Variants in PDS5B observed in about 807,000 individuals in gnomAD.
PDS5B encodes the protein PDS5 cohesin associated factor B.
PDS5B carries 51 observed loss-of-function variants against 184.1 expected under a neutral mutation model. The observed-to-expected ratio is 0.28, with a 90% confidence interval of 0.22 to 0.35. PDS5B has a LOEUF of 0.35. Among genes scored for constraint, PDS5B ranks in the 10% least tolerant of loss-of-function variants. The pLI, the probability that PDS5B is intolerant of heterozygous loss-of-function variation, is 1.00. For missense variants in PDS5B, 1,180 were observed against 1,723.3 expected, an observed-to-expected ratio of 0.68 and a Z score of 5.58; for synonymous variants, 566 against 569.2, an observed-to-expected ratio of 0.99 and a Z score of 0.08.
chr13:32,632,855 G>C (rs2140579811), intron 1 of PDS5B, among the ~76,000 whole-genome samples: 1 of 152,274 alleles, frequency 6.6e-6, no homozygotes, highest in Non-Finnish European at 1.5e-5. Context: ...TGCAATCCCA[G>C]CACTTTGGGA....
chr13:32,656,616 A>C (rs1311991988), intron 3 of PDS5B, among the ~76,000 whole-genome samples: 4 of 148,096 alleles, frequency 2.7e-5, no homozygotes, highest in Non-Finnish European at 5.9e-5. Context: ...TTTTTTTAAA[A>C]GACAAAGTCT....
intron 1 of PDS5B, among the ~76,000 whole-genome samples, chr13:32,641,104 T>C (rs1374281447): frequency 6.6e-6 from 1 of 152,108 alleles, no homozygotes; most frequent in African/African-American, 2.4e-5. Flanking sequence ...TACTATAGTT[T>C]ATAAAATAGA....
chr13:32,702,082 C>A (rs145291637), intron 17 of PDS5B, among the ~76,000 whole-genome samples: 1 of 151,922 alleles, frequency 6.6e-6, no homozygotes, highest in Non-Finnish European at 1.5e-5. Flanking sequence ...ATATATATAG[C>A]GCATACTGAC....
intron 18 of PDS5B, among the ~76,000 whole-genome samples, chr13:32,709,618 C>G (rs979287675): frequency 2.0e-5 from 3 of 152,006 alleles, no homozygotes; most frequent in Non-Finnish European, 4.4e-5. Flanking sequence ...GTTAAATTCT[C>G]TCTTCATGTC....
intron 1 of PDS5B, among the ~76,000 whole-genome samples, chr13:32,620,407 C>T (rs953136309): frequency 2.6e-5 from 4 of 151,962 alleles, no homozygotes; most frequent in African/African-American, 7.2e-5. Context: ...CCTGTAATCC[C>T]AGCACTTTGG....
intron 19 of PDS5B, among the ~76,000 whole-genome samples, chr13:32,717,687 T>TAAAA (rs1293060097): frequency 1.4e-4 from 8 of 58,406 alleles, no homozygotes; most frequent in East Asian, 9.9e-4. Context: ...GAATGATCAA[T>TAAAA]AAAAAAAAAA....
rs77765431 is a variant in PDS5B, at chr13:32,688,117, G to C, written c.1356-339G>C. 1.3e-4 allele frequency among the ~76,000 whole-genome samples: 20 copies of C among 150,852 alleles called. No individual in the cohort carries two copies. In the East Asian group the frequency reaches 3.5e-3, roughly 26 times the overall value. On this transcript the variant is annotated intron_variant, in intron 12 of 34. Transcript: ENST00000315596. ...GAATCTTAAGAGTTTCTTTAGTTTT[G>C]ACTTAGAAATTTAGAACTTGGCATT... is the stretch of plus-strand genomic sequence containing the variant.
intron 2 of PDS5B, chr13:32,649,584 T>G (rs935328036): frequency 6.6e-6 from 1 of 152,212 alleles, no homozygotes; most frequent in Admixed American, 6.5e-5. Flanking sequence ...ATTATTTATC[T>G]GGATGTCAGG....
chr13:32,716,764 C>T (rs1427967068), intron 19 of PDS5B, among the ~76,000 whole-genome samples: 6 of 135,796 alleles, frequency 4.4e-5, no homozygotes, highest in African/African-American at 1.1e-4. Flanking sequence ...CCCCTCTGCC[C>T]GGCCAGCCGC....
Position 32,753,329 on chromosome 13 carries a change from C to T in PDS5B, c.2737-3C>T. 1 of 1,609,030 alleles carries T rather than the reference C, an allele frequency of 6.2e-7. No homozygotes were observed. ...AATATCTGGAATAATTGTGTCTTTA[C>T]AGGATGAATGCTATCAAGTAAGACA... On this transcript the variant is annotated splice_polypyrimidine_tract_variant and splice_region_variant and intron_variant, in intron 24 of 34. Transcript: ENST00000315596.
At chr13:32,773,369 G>A in intron 34 of PDS5B, 45 bp downstream of exon 34, 1 of 1,519,718 alleles carries the variant, frequency 6.6e-7, no homozygotes, top group Non-Finnish European at 8.9e-7. Context: ...TATAAAAAGA[G>A]TTAGTAAATG....
chr13:32,771,682 TTAAAAG>T (rs564000705), intron 33 of PDS5B, among the ~76,000 whole-genome samples: 1 of 152,088 alleles, frequency 6.6e-6, no homozygotes, highest in Non-Finnish European at 1.5e-5. Flanking sequence ...TTCTATCAGG[TTAAAAG>T]TAAAGGTAAG....
chr13:32,727,162 A>G (rs1331869975), intron 19 of PDS5B, among the ~76,000 whole-genome samples: 3 of 152,136 alleles, frequency 2.0e-5, no homozygotes, highest in African/African-American at 4.8e-5. Flanking sequence ...ATCAAGTATT[A>G]TGATTTTATC....
At chr13:32,765,615 G>GT (rs1269767508) in intron 31 of PDS5B, among the ~76,000 whole-genome samples, 1 of 151,830 alleles carries the variant, frequency 6.6e-6, no homozygotes, top group African/African-American at 2.4e-5. Flanking sequence ...GTTTTGTTTT[G>GT]TTTTTTGAGA....
chr13:32,685,609 G>A (rs1001934658), intron 11 of PDS5B, among the ~76,000 whole-genome samples: 6 of 152,092 alleles, frequency 3.9e-5, no homozygotes, highest in African/African-American at 1.2e-4. Context: ...GATACAACAT[G>A]GGGAGTTAGA....
intron 1 of PDS5B, among the ~76,000 whole-genome samples, chr13:32,632,031 G>C (rs1030417833): frequency 6.6e-6 from 1 of 152,092 alleles, no homozygotes; most frequent in African/African-American, 2.4e-5. Flanking sequence ...AATTAAGTTG[G>C]ACCTCTCCTT....
intron 14 of PDS5B, among the ~76,000 whole-genome samples, chr13:32,695,391 C>A (rs1951672432): frequency 6.6e-6 from 1 of 151,758 alleles, no homozygotes. Context: ...TTTTCTTAAA[C>A]CCTGTTAAAT....
At chr13:32,607,917 G>A (rs931988004) in intron 1 of PDS5B, among the ~76,000 whole-genome samples, 3 of 152,212 alleles carry the variant, frequency 2.0e-5, no homozygotes, top group African/African-American at 4.8e-5. Flanking sequence ...GAAAAGCACA[G>A]TAGCAGGGTG....
intron 24 of PDS5B, among the ~76,000 whole-genome samples, chr13:32,746,867 A>G (rs1392293155): frequency 1.3e-5 from 2 of 152,268 alleles, no homozygotes; most frequent in African/African-American, 2.4e-5. Flanking sequence ...TGCTTCAAGT[A>G]TTAATTTTGG....
Sources: allele counts gnomAD v4.1 joint callset (sites outside exome capture counted in the v4.1 genomes callset), GRCh38; gene constraint gnomAD v4.1.1; transcripts MANE v1.5; gene names NCBI Gene and HGNC (gene_info 2026-07-23, HGNC 2026-07-21).